Variants in PRNP observed in about 807,000 individuals in gnomAD.
PRNP encodes prion protein (Kanno blood group).
PRNP carries 15 observed loss-of-function variants against 21.3 expected under a neutral mutation model. The ratio of observed to expected loss-of-function variants is 0.71; its 90% CI spans 0.47 to 1.09. The LOEUF (loss-of-function observed/expected upper bound fraction) is 1.09. Ranked by LOEUF, PRNP falls within the 50% of genes least tolerant of loss-of-function variation. PRNP has a pLI of 0.00. For missense variants in PRNP, 285 were observed against 340.9 expected, an observed-to-expected ratio of 0.84 and a Z score of 1.29; for synonymous variants, 121 against 123.1, an observed-to-expected ratio of 0.98 and a Z score of 0.11.
chr20:4,690,439 A>G (rs1175584098), intron 1 of PRNP, among the ~76,000 whole-genome samples: 1 of 152,196 alleles, frequency 6.6e-6, no homozygotes, highest in Non-Finnish European at 1.5e-5. Context: ...TATAAATGGG[A>G]ATAAGATGAA....
chr20:4,699,540 C>A lies in PRNP; in HGVS notation c.320C>A (p.Thr107Asn). The A allele has an allele frequency of 6.2e-7, 1 of 1,614,006 alleles. No homozygotes were observed. The highest frequency in any genetic ancestry group is 2.2e-5 in the East Asian group (1 of 44,874). ...SQWNKPSKPKTNMKHMAGAAA... is the reference protein window; with the variant it reads ...SQWNKPSKPKNNMKHMAGAAA... ...TGGAACAAGCCGAGTAAGCCAAAAA[C>A]CAACATGAAGCACATGGCTGGTGCT... The change falls in exon 2 of 2, where the codon ACC (threonine) becomes AAC (asparagine). Residue 107 changes from threonine (T) to asparagine (N), a missense_variant. Coordinates refer to ENST00000379440, the MANE Select transcript of PRNP (RefSeq NM_000311.5). The surrounding 1 kb of genome is among the most constrained non-coding windows in gnomAD (Gnocchi z 5.8).
At chr20:4,692,958 C>G (rs1254732469) in intron 1 of PRNP, among the ~76,000 whole-genome samples, 1 of 152,178 alleles carries the variant, frequency 6.6e-6, no homozygotes, top group Non-Finnish European at 1.5e-5. Flanking sequence ...TTTATCTCTA[C>G]TGAGTTACAG....
chr20:4,696,300 A>G (rs1380062269), intron 1 of PRNP, among the ~76,000 whole-genome samples: 1 of 152,056 alleles, frequency 6.6e-6, no homozygotes, highest in Non-Finnish European at 1.5e-5. Flanking sequence ...TTTTTTTCAG[A>G]CCATCTTCTG....
In PRNP at chr20:4,700,115, C is replaced by T. The variant is rs775569902; in HGVS notation, c.*133C>T. On this transcript the variant is annotated 3_prime_UTR_variant, in exon 2 of 2. Transcript: ENST00000379440. This position sits in a 1 kb window ranked among gnomAD's most constrained non-coding sequence, Gnocchi z 4.1. ...TTGTCCCGGATAGGCTAATCAATAC[C>T]CTTGGCACTGATGGGCACTGGAAAA... 7.1e-6 allele frequency: 11 copies of T among 1,549,522 alleles called. No individual in the cohort carries two copies. In the African/African-American group the frequency reaches 1.1e-4, roughly 15 times the overall value.
At chr20:4,691,114 A>G (rs561559669) in intron 1 of PRNP, among the ~76,000 whole-genome samples, 1 of 152,366 alleles carries the variant, frequency 6.6e-6, no homozygotes, top group East Asian at 1.9e-4. Flanking sequence ...AAGGTGAAAG[A>G]TCTCTACACT....
intron 1 of PRNP, among the ~76,000 whole-genome samples, chr20:4,693,923 C>A (rs1349104876): frequency 3.4e-5 from 5 of 145,962 alleles, no homozygotes; most frequent in African/African-American, 1.3e-4. Flanking sequence ...ATGGCAAGAC[C>A]CCATCACTAT....
rs117366504 is a variant in PRNP, at chr20:4,696,410, T to C, written c.-10-2801T>C. Among the ~76,000 whole-genome samples, 115 of 152,354 alleles carry C rather than the reference T, an allele frequency of 7.5e-4. 1 individual carries two copies. The highest frequency in any genetic ancestry group is 1.4e-3 in the Non-Finnish European group (98 of 68,032). Reference sequence around the variant, plus strand: ...GTTGTTACTTTGAATATCTGTATTTTCTTCTGGTCAGTTATTGCTACTGTA... The same window carrying C: ...GTTGTTACTTTGAATATCTGTATTTCCTTCTGGTCAGTTATTGCTACTGTA... On this transcript the variant is annotated intron_variant, in intron 1 of 1. Coordinates refer to ENST00000379440, the MANE Select transcript of PRNP (RefSeq NM_000311.5).
chr20:4,689,757 A>G (rs865855813), intron 1 of PRNP, among the ~76,000 whole-genome samples: 1 of 152,256 alleles, frequency 6.6e-6, no homozygotes, highest in African/African-American at 2.4e-5. Context: ...TAGTGTGTGC[A>G]GCAATTCTCA....
intron 1 of PRNP, among the ~76,000 whole-genome samples, chr20:4,695,790 C>T (rs377723071): frequency 3.9e-5 from 6 of 152,226 alleles, no homozygotes; most frequent in Admixed American, 1.3e-4. Flanking sequence ...CCTCTTCTAG[C>T]GCCAAACTTG....
At position 4,697,717 on chromosome 20, in the gene PRNP, G is replaced by A. The variant is rs1204412563; in HGVS notation, c.-10-1494G>A. Reference sequence around the variant, plus strand: ...CACTGAGGGACAAGGGAAGTGGCATGATGTGACCCGCATATTAAGAGGAGA... The same window carrying A: ...CACTGAGGGACAAGGGAAGTGGCATAATGTGACCCGCATATTAAGAGGAGA... On this transcript the variant is annotated intron_variant, in intron 1 of 1. Transcript: ENST00000379440. This position sits in a 1 kb window ranked among gnomAD's most constrained non-coding sequence, Gnocchi z 4.6. Among the ~76,000 whole-genome samples the A allele has an allele frequency of 6.6e-6, 1 of 152,192 alleles. No homozygotes were observed. The highest frequency in any genetic ancestry group is 2.4e-5 in the African/African-American group (1 of 41,450).
chr20:4,697,472 T>A lies in PRNP; in HGVS notation c.-10-1739T>A, dbSNP rs146102572. Reference sequence around the variant, plus strand: ...GGAAAGGGGGTGGGCTAGGGGGTGCTGTTTTAGGTAGAGTGATGGGAACAG... The same window carrying A: ...GGAAAGGGGGTGGGCTAGGGGGTGCAGTTTTAGGTAGAGTGATGGGAACAG... On this transcript the variant is annotated intron_variant, in intron 1 of 1. Transcript: ENST00000379440. This position sits in a 1 kb window ranked among gnomAD's most constrained non-coding sequence, Gnocchi z 4.6. 7.7e-4 allele frequency among the ~76,000 whole-genome samples: 118 copies of A among 152,270 alleles called. No homozygotes were observed. The highest frequency in any genetic ancestry group is 6.8e-3 in the Middle Eastern group (2 of 294).
rs533110680 is a variant in PRNP, at chr20:4,687,100, T to C, written c.-11+588T>C. 7.5e-3 allele frequency among the ~76,000 whole-genome samples: 1,139 copies of C among 152,228 alleles called. 5 individuals carry two copies. Among genetic ancestry groups the C allele is most frequent in the Non-Finnish European group, 0.012 (782 of 67,978 alleles). On this transcript the variant is annotated intron_variant, in intron 1 of 1. Transcript: ENST00000379440. ...GCCGGGGGAGTTCCGGGAGCCTCGG[T>C]GCCTCCCGCCGCAGCTGCAGCGTTC...
intron 1 of PRNP, among the ~76,000 whole-genome samples, chr20:4,689,941 C>T (rs889678964): frequency 5.3e-5 from 8 of 152,178 alleles, no homozygotes; most frequent in South Asian, 2.1e-4. Flanking sequence ...AGCCTGATCA[C>T]GGGTGCCAAT....
intron 1 of PRNP, among the ~76,000 whole-genome samples, chr20:4,690,032 GT>G (rs1313784199): frequency 2.0e-5 from 3 of 152,130 alleles, no homozygotes; most frequent in African/African-American, 4.8e-5. Flanking sequence ...CAGCAATGTT[GT>G]TTTTTAAAAG....
rs908403980 is a variant in PRNP, at chr20:4,699,714, C to T, written c.494C>T (p.Pro165Leu). 1.2e-6 allele frequency: 2 copies of T among 1,613,776 alleles called. No individual in the cohort carries two copies. Among genetic ancestry groups the T allele is most frequent in the African/African-American group, 2.7e-5 (2 of 74,816 alleles). Reference sequence around the variant, plus strand: ...TACCCCAACCAAGTGTACTACAGGCCCATGGATGAGTACAGCAACCAGAAC... The same window carrying T: ...TACCCCAACCAAGTGTACTACAGGCTCATGGATGAGTACAGCAACCAGAAC... ...HRYPNQVYYR[P>L]MDEYSNQNNF... The change falls in exon 2 of 2, where the codon CCC becomes CTC. Residue 165 changes from proline (P) to leucine (L), a missense_variant. Pro to Leu is a moderately conservative substitution (Grantham distance 98, BLOSUM62 -3). Coordinates refer to ENST00000379440, the MANE Select transcript of PRNP (RefSeq NM_000311.5). This position sits in a 1 kb window ranked among gnomAD's most constrained non-coding sequence, Gnocchi z 5.8.
At chr20:4,692,539 CT>C in intron 1 of PRNP, among the ~76,000 whole-genome samples, 1 of 152,200 alleles carries the variant, frequency 6.6e-6, no homozygotes, top group South Asian at 2.1e-4. Context: ...ATATCTTGGG[CT>C]TTGTGTTTGT....
chr20:4,691,306 T>A (rs1472387077), intron 1 of PRNP, among the ~76,000 whole-genome samples: 2 of 152,150 alleles, frequency 1.3e-5, no homozygotes, highest in Non-Finnish European at 2.9e-5. Flanking sequence ...AAAACAATCC[T>A]AAAATTGGGT....
At position 4,697,702 on chromosome 20, in the gene PRNP, C is replaced by T. The variant is rs893160623; in HGVS notation, c.-10-1509C>T. ...AGTACAAAGGAGCCTCACTGAGGGA[C>T]AAGGGAAGTGGCATGATGTGACCCG... On this transcript the variant is annotated intron_variant, in intron 1 of 1. Transcript: ENST00000379440. The surrounding 1 kb of genome is among the most constrained non-coding windows in gnomAD (Gnocchi z 4.6). Among the ~76,000 whole-genome samples the T allele has an allele frequency of 2.0e-5, 3 of 152,114 alleles. No homozygotes were observed. Among genetic ancestry groups the T allele is most frequent in the African/African-American group, 4.8e-5 (2 of 41,406 alleles).
intron 1 of PRNP, among the ~76,000 whole-genome samples, chr20:4,695,477 A>G (rs1258863585): frequency 6.6e-6 from 1 of 152,186 alleles, no homozygotes; most frequent in African/African-American, 2.4e-5. Context: ...GATAGCATAT[A>G]TGTACCACAC....
Sources: allele counts gnomAD v4.1 joint callset (sites outside exome capture counted in the v4.1 genomes callset), GRCh38; gene constraint gnomAD v4.1.1; non-coding constraint Gnocchi (gnomAD v3.1); transcripts MANE v1.5; gene names NCBI Gene and HGNC (gene_info 2026-07-23, HGNC 2026-07-21).